Variants in AHSP observed in about 807,000 individuals in gnomAD.
AHSP encodes alpha-hemoglobin-stabilizing protein.
In AHSP, 5 loss-of-function variants were observed where a neutral mutation model predicts 2.7. The observed-to-expected ratio is 1.86, with a 90% CI of 0.97 to 3.92. The LOEUF (loss-of-function observed/expected upper bound fraction) is 3.92. Ranked by LOEUF, AHSP falls within the 30% of genes most tolerant of loss-of-function variation. The pLI is 0.00. For missense variants in AHSP, 134 were observed against 119.8 expected (o/e 1.12, Z -0.55); for synonymous variants, 50 against 48.4 (o/e 1.03, Z -0.14).
In AHSP at chr16:31,527,954, G is replaced by C; in HGVS notation, c.-13G>C. The C allele has an allele frequency of 1.5e-6, 1 of 656,498 alleles. No homozygotes were observed. Among genetic ancestry groups the C allele is most frequent in the South Asian group, 1.6e-5 (1 of 60,620 alleles). 40.7% of individuals were successfully genotyped at this position (656,498 alleles called of 1,614,324 possible). A position where few individuals can be genotyped will look rare whatever the true frequency, so the allele number is the denominator to read the frequency against. ...TGGGTGAGACATATACAGCCTGTTAGACCTGAAGGTGAGCCCAACCTGGGA... is the reference window on the plus strand; with the variant it reads ...TGGGTGAGACATATACAGCCTGTTACACCTGAAGGTGAGCCCAACCTGGGA... On this transcript the variant is annotated 5_prime_UTR_variant, in exon 1 of 3. Coordinates refer to ENST00000302312, the MANE Select transcript of AHSP (RefSeq NM_016633.4).
In AHSP at chr16:31,528,555, G is replaced by A. The variant is rs530297876; in HGVS notation, c.173G>A (p.Gly58Glu). 1.9e-6 allele frequency: 3 copies of A among 1,614,132 alleles called. No individual in the cohort carries two copies. The highest frequency in any genetic ancestry group is 2.5e-6 in the Non-Finnish European group (3 of 1,180,020). Residue 58 changes from glycine (G) to glutamate (E), a missense_variant, in exon 3 of 3, where the codon GGG (glycine) becomes GAG (glutamate). By Grantham distance (98) the Gly-to-Glu change is moderately conservative. Transcript: ENST00000302312. ...AACTATTACAGGCAGCAGGTGACAG[G>A]GGAGCCCCAAGAGCGAGACAAGGCT... Reference protein sequence around the residue: ...YINYYRQQVTGEPQERDKALQ... With the variant: ...YINYYRQQVTEEPQERDKALQ...
Position 31,528,726 on chromosome 16 carries a change from T to G in AHSP, c.*35T>G. On this transcript the variant is annotated 3_prime_UTR_variant, in exon 3 of 3. Coordinates refer to ENST00000302312, the MANE Select transcript of AHSP (RefSeq NM_016633.4). ...CCAGCCCCTCCTCTCTGAGAAACTC[T>G]GACCTTCATGTCCTTAGGCTGTGCT... The G allele has an allele frequency of 3.2e-6, 5 of 1,563,568 alleles. No homozygotes were observed. The highest frequency in any genetic ancestry group is 4.4e-6 in the Non-Finnish European group (5 of 1,148,256).
rs372200025 is a variant in AHSP at position 31,528,636 on chromosome 16, A to G, written c.254A>G (p.Tyr85Cys). 3 of 1,613,926 alleles carry G rather than the reference A, an allele frequency of 1.9e-6. No individual in the cohort carries two copies. The African/African-American group carries it at 4.0e-5, about 22-fold the overall frequency. Residue 85 changes from tyrosine to cysteine, a missense_variant, in exon 3 of 3, where the codon TAC (tyrosine) becomes TGC (cysteine). Tyr to Cys is a radical substitution (Grantham distance 194). Coordinates refer to ENST00000302312, the MANE Select transcript of AHSP (RefSeq NM_016633.4). Reference protein sequence around the residue: ...NTLANPFLAKYRDFLKSHELP... With the variant: ...NTLANPFLAKCRDFLKSHELP... ...CTGGCCAACCCTTTCCTGGCCAAGT[A>G]CAGGGACTTCCTGAAGTCTCATGAG...
chr16:31,528,572 G>T lies in AHSP; in HGVS notation c.190G>T (p.Asp64Tyr). The change falls in exon 3 of 3, where the codon GAC (aspartate) becomes TAC (tyrosine). Residue 64 changes from aspartate (D) to tyrosine (Y), a missense_variant. Physicochemically the swap from Asp to Tyr is radical, Grantham distance 160. Transcript: ENST00000302312. ...QQVTGEPQER[D>Y]KALQELRQEL... The stretch of plus-strand genomic sequence containing the variant: ...GGTGACAGGGGAGCCCCAAGAGCGA[G>T]ACAAGGCTCTGCAGGAGCTTCGGCA... 6.2e-7 allele frequency: 1 copy of T among 1,614,144 alleles called. No individual in the cohort carries two copies. The highest frequency in any genetic ancestry group is 8.5e-7 in the Non-Finnish European group (1 of 1,180,024).
Position 31,528,704 on chromosome 16 carries a change from G to GC in AHSP, c.*17dup. 2.5e-6 allele frequency: 4 copies of GC among 1,606,134 alleles called. No individual in the cohort carries two copies. Among genetic ancestry groups the GC allele is most frequent in the African/African-American group, 1.3e-5 (1 of 74,732 alleles). On this transcript the variant is annotated 3_prime_UTR_variant, in exon 3 of 3. Coordinates refer to ENST00000302312, the MANE Select transcript of AHSP (RefSeq NM_016633.4). ...GCCCTCCTCCTAGCTCAGGGACCCA[G>GC]CCCCTCCTCTCTGAGAAACTCTGAC...
rs763147347 is a variant in AHSP, at chr16:31,528,512, T to C, written c.130T>C (p.Trp44Arg). The stretch of plus-strand genomic sequence containing the variant: ...AGACATGGTGACTGTGGTGGAGGAC[T>C]GGATGAACTTCTACATCAACTATTA... Reference protein sequence around the residue: ...EEDMVTVVEDWMNFYINYYRQ... With the variant: ...EEDMVTVVEDRMNFYINYYRQ... Residue 44 changes from tryptophan to arginine, a missense_variant, in exon 3 of 3, where the codon TGG becomes CGG. Transcript: ENST00000302312. 8 of 1,614,162 alleles carry C rather than the reference T, an allele frequency of 5.0e-6. No individual in the cohort carries two copies. Among genetic ancestry groups the C allele is most frequent in the Non-Finnish European group, 6.8e-6 (8 of 1,180,018 alleles).
chr16:31,528,169 C>A lies in AHSP; in HGVS notation c.30C>A (p.Leu10=), dbSNP rs566973585. MALLKANKD[L]ISAGLKEFSV... ...CTCTTCTTAAGGCCAATAAGGATCT[C>A]ATTTCCGCAGGATTGAAGGAGTTCA... The change falls in exon 2 of 3, where the codon CTC becomes CTA. Residue 10 remains leucine (L), a synonymous_variant. Coordinates refer to ENST00000302312, the MANE Select transcript of AHSP (RefSeq NM_016633.4). 1 of 1,613,974 alleles carries A rather than the reference C, an allele frequency of 6.2e-7. No homozygotes were observed. Among genetic ancestry groups the A allele is most frequent in the African/African-American group, 1.3e-5 (1 of 74,930 alleles).
Position 31,528,171 on chromosome 16 carries a change from T to C in AHSP, c.32T>C (p.Ile11Thr). Residue 11 changes from isoleucine (I) to threonine (T), a missense_variant, in exon 2 of 3, where the codon ATT becomes ACT. By Grantham distance (89) the Ile-to-Thr change is moderately conservative (BLOSUM62 -1). Transcript: ENST00000302312. Reference sequence around the variant, plus strand: ...CTTCTTAAGGCCAATAAGGATCTCATTTCCGCAGGATTGAAGGAGTTCAGC... The same window carrying C: ...CTTCTTAAGGCCAATAAGGATCTCACTTCCGCAGGATTGAAGGAGTTCAGC... MALLKANKDL[I>T]SAGLKEFSVL... 6.2e-7 allele frequency: 1 copy of C among 1,614,138 alleles called. No individual in the cohort carries two copies. The highest frequency in any genetic ancestry group is 1.3e-5 in the African/African-American group (1 of 75,056).
chr16:31,528,108 T>A, intron 1 of AHSP, 28 bp from the exon 2 acceptor site: 1 of 1,562,174 alleles, frequency 6.4e-7, no homozygotes, highest in Non-Finnish European at 8.8e-7. Context: ...GAAACAGATA[T>A]GTAAATTCTA....
At chr16:31,528,274 T>G in intron 2 of AHSP, 60 bp downstream of exon 2, 4 of 1,515,140 alleles carry the variant, frequency 2.6e-6, no homozygotes, top group Non-Finnish European at 3.7e-6. Flanking sequence ...GCCGGGGAAG[T>G]GGAGGAAGAG....
At position 31,528,761 on chromosome 16, in the gene AHSP, C is replaced by T. The variant is rs1234253649; in HGVS notation, c.*70C>T. 16 of 1,348,378 alleles carry T rather than the reference C, an allele frequency of 1.2e-5. No individual in the cohort carries two copies. In the South Asian group the frequency reaches 1.7e-4, roughly 15 times the overall value. 83.5% of individuals were successfully genotyped at this position (1,348,378 alleles called of 1,614,324 possible). A position where few individuals can be genotyped will look rare whatever the true frequency, so the allele number is the denominator to read the frequency against. On this transcript the variant is annotated 3_prime_UTR_variant, in exon 3 of 3. Transcript: ENST00000302312. ...GTCCTTAGGCTGTGCTCCTGCCACTCTACCCTGACACCTCAATAAAGACCA... is the reference window on the plus strand; with the variant it reads ...GTCCTTAGGCTGTGCTCCTGCCACTTTACCCTGACACCTCAATAAAGACCA...
chr16:31,528,580 T>C lies in AHSP; in HGVS notation c.198T>C (p.Ala66=). 6.2e-7 allele frequency: 1 copy of C among 1,614,072 alleles called. No individual in the cohort carries two copies. The highest frequency in any genetic ancestry group is 1.7e-4 in the Middle Eastern group (1 of 6,060). ...GGGAGCCCCAAGAGCGAGACAAGGC[T>C]CTGCAGGAGCTTCGGCAAGAGCTGA... ...VTGEPQERDK[A]LQELRQELNT... is the part of the protein sequence containing the mutation. The change falls in exon 3 of 3, where the codon GCT becomes GCC. Residue 66 remains alanine, a synonymous_variant. Transcript: ENST00000302312.
At chr16:31,528,264 GC>G (rs1428564989) in intron 2 of AHSP, 50 bp downstream of exon 2, 2 of 1,555,188 alleles carry the variant, frequency 1.3e-6, no homozygotes, top group South Asian at 2.2e-5. Flanking sequence ...ACTGGGGGGT[GC>G]CGGGGAAGTG....
chr16:31,527,917 C>A lies in AHSP; in HGVS notation c.-50C>A. 1.7e-6 allele frequency: 1 copy of A among 576,070 alleles called. No homozygotes were observed. The highest frequency in any genetic ancestry group is 3.1e-5 in the East Asian group (1 of 32,506). The allele number at this position is 576,070 out of a possible 1,614,324, so 35.7% of individuals were successfully genotyped here. ...AGCTTGGCACAGAGAGATTCACGCA[C>A]CCTCAAGAGTGTGGGTGAGACATAT... On this transcript the variant is annotated 5_prime_UTR_variant, in exon 1 of 3. Coordinates refer to ENST00000302312, the MANE Select transcript of AHSP (RefSeq NM_016633.4).
rs1323948897 is a variant in AHSP, at chr16:31,528,672, A to G, written c.290A>G (p.His97Arg). Residue 97 changes from histidine to arginine, a missense_variant, in exon 3 of 3, where the codon CAC (histidine) becomes CGC (arginine). By Grantham distance (29) the His-to-Arg change is conservative. Coordinates refer to ENST00000302312, the MANE Select transcript of AHSP (RefSeq NM_016633.4). ...CTGAAGTCTCATGAGCTCCCGAGTCACCCACCGCCCTCCTCCTAGCTCAGG... is the reference window on the plus strand; with the variant it reads ...CTGAAGTCTCATGAGCTCCCGAGTCGCCCACCGCCCTCCTCCTAGCTCAGG... ...DFLKSHELPS[H>R]PPPSS 3 of 1,612,666 alleles carry G rather than the reference A, an allele frequency of 1.9e-6. No individual in the cohort carries two copies. In the South Asian group the frequency reaches 3.3e-5, roughly 18 times the overall value.
chr16:31,528,371 G>A, intron 2 of AHSP, 87 bp from the exon 3 acceptor site: 1 of 1,354,584 alleles, frequency 7.4e-7, no homozygotes. Flanking sequence ...GAATGTGAGA[G>A]TTGGTGCTGT....
rs2142689713 is a variant in AHSP at position 31,528,777 on chromosome 16, A to G, written c.*86A>G. ...CCTGCCACTCTACCCTGACACCTCAATAAAGACCAGTGCTGGTTTTGTTGG... is the reference window on the plus strand; with the variant it reads ...CCTGCCACTCTACCCTGACACCTCAGTAAAGACCAGTGCTGGTTTTGTTGG... On this transcript the variant is annotated 3_prime_UTR_variant, in exon 3 of 3. Transcript: ENST00000302312. 1.6e-6 allele frequency: 2 copies of G among 1,243,780 alleles called. No homozygotes were observed. Among genetic ancestry groups the G allele is most frequent in the African/African-American group, 1.5e-5 (1 of 66,694 alleles). 77.0% of individuals were successfully genotyped at this position (1,243,780 alleles called of 1,614,324 possible).
rs372264195 is a variant in AHSP at position 31,528,673 on chromosome 16, C to A, written c.291C>A (p.His97Gln). 20 of 1,613,000 alleles carry A rather than the reference C, an allele frequency of 1.2e-5. No individual in the cohort carries two copies. The highest frequency in any genetic ancestry group is 1.8e-4 in the Middle Eastern group (1 of 5,506). The change falls in exon 3 of 3, where the codon CAC becomes CAA. Residue 97 changes from histidine (H) to glutamine (Q), a missense_variant. Coordinates refer to ENST00000302312, the MANE Select transcript of AHSP (RefSeq NM_016633.4). ...DFLKSHELPSHPPPSS is the reference protein window; with the variant it reads ...DFLKSHELPSQPPPSS ...TGAAGTCTCATGAGCTCCCGAGTCACCCACCGCCCTCCTCCTAGCTCAGGG... is the reference window on the plus strand; with the variant it reads ...TGAAGTCTCATGAGCTCCCGAGTCAACCACCGCCCTCCTCCTAGCTCAGGG...
chr16:31,528,039 A>AGGGCAGGAG, intron 1 of AHSP, 77 bp downstream of exon 1: 2 of 983,992 alleles, frequency 2.0e-6, no homozygotes, highest in Non-Finnish European at 3.2e-6. Context: ...ATAGCCCTGC[A>AGGGCAGGAG]GGGCAGGAGG....
Sources: gnomAD v4.1 joint callset for allele counts on GRCh38, gnomAD v4.1.1 for gene constraint, MANE v1.5 for transcripts, NCBI Gene and HGNC (gene_info 2026-07-23, HGNC 2026-07-21) for gene names.